HDX: variants seen among roughly 807,000 people sequenced by gnomAD.
The protein encoded by HDX is chromosome X open reading frame 43.
Under a neutral mutation model 45.2 loss-of-function variants are expected in HDX, and 19 were observed. The ratio of observed to expected loss-of-function variants is 0.42; its 90% CI spans 0.29 to 0.62. HDX has a LOEUF of 0.62. HDX is among the 20% of genes least tolerant of loss of function. HDX has a pLI of 0.20. For synonymous variants in HDX, 188 were observed against 172.8 expected, an observed-to-expected ratio of 1.09 and a Z score of -0.69; for missense variants, 532 against 493.9, an observed-to-expected ratio of 1.08 and a Z score of -0.73.
At chrX:84,357,030 A>T (rs753731647) in intron 6 of HDX, among the ~76,000 whole-genome samples, 20 of 111,856 alleles carry the variant, frequency 1.8e-4, no homozygotes, top group Non-Finnish European at 3.2e-4. Context: ...ATGGCTGTCC[A>T]TAGAACCTGA....
intron 4 of HDX, among the ~76,000 whole-genome samples, chrX:84,441,644 C>T (rs2039763390): frequency 9.0e-6 from 1 of 111,389 alleles, no homozygotes. Flanking sequence ...AAAATTTGTT[C>T]TTTTTGAATT....
At chrX:84,477,184 A>G (rs779769375) in intron 2 of HDX, among the ~76,000 whole-genome samples, 2 of 111,668 alleles carry the variant, frequency 1.8e-5, no homozygotes, top group African/African-American at 3.3e-5. Context: ...TTCATCTGGT[A>G]TGGATTTAGA....
At chrX:84,428,690 C>A (rs1199267627) in intron 5 of HDX, among the ~76,000 whole-genome samples, 2 of 110,855 alleles carry the variant, frequency 1.8e-5, no homozygotes, top group East Asian at 5.6e-4. Flanking sequence ...ACAGTGTCTT[C>A]AGAGAAGCAG....
chrX:84,451,034 G>T (rs902946963), intron 4 of HDX, among the ~76,000 whole-genome samples: 1 of 111,493 alleles, frequency 9.0e-6, no homozygotes, highest in African/African-American at 3.3e-5. Flanking sequence ...TACAGCAAAA[G>T]CAATGCTAAT....
chrX:84,449,779 G>A (rs12686865), intron 4 of HDX, among the ~76,000 whole-genome samples: 5 of 111,677 alleles, frequency 4.5e-5, no homozygotes, highest in South Asian at 3.8e-4. Context: ...CAATGTTACC[G>A]TTACAGAAAA....
intron 3 of HDX, among the ~76,000 whole-genome samples, chrX:84,472,825 G>T (rs1224301845): frequency 5.4e-5 from 6 of 110,437 alleles, no homozygotes; most frequent in Non-Finnish European, 9.5e-5. Context: ...TGAAAATAAA[G>T]AAAACACATT....
chrX:84,492,831 G>C (rs2040918149), intron 1 of HDX, among the ~76,000 whole-genome samples: 1 of 111,371 alleles, frequency 9.0e-6, no homozygotes, highest in Non-Finnish European at 1.9e-5. Context: ...TGAAAGTTAA[G>C]CCCAACAAAT....
intron 4 of HDX, among the ~76,000 whole-genome samples, chrX:84,460,057 G>A (rs1471844222): frequency 9.0e-6 from 1 of 111,146 alleles, no homozygotes. Flanking sequence ...AAGTCTCCCA[G>A]CAAAGAAAAG....
chrX:84,387,292 G>A (rs1325852604), intron 5 of HDX, among the ~76,000 whole-genome samples: 2 of 111,698 alleles, frequency 1.8e-5, no homozygotes. Context: ...CTGTGTGCAG[G>A]TGAGAAGAAT....
chrX:84,477,738 C>A (rs2040585345), intron 2 of HDX, among the ~76,000 whole-genome samples: 3 of 111,714 alleles, frequency 2.7e-5, no homozygotes, highest in African/African-American at 6.5e-5. Context: ...ACAAAATAAT[C>A]AAAAATAGAG....
intron 8 of HDX, among the ~76,000 whole-genome samples, chrX:84,336,150 C>A (rs1347394379): frequency 9.0e-6 from 1 of 110,964 alleles, no homozygotes; most frequent in Non-Finnish European, 1.9e-5. Flanking sequence ...CTTGATAGGG[C>A]AGAATATAAA....
intron 2 of HDX, among the ~76,000 whole-genome samples, chrX:84,481,567 C>G (rs2040680195): frequency 9.0e-6 from 1 of 111,488 alleles, no homozygotes. Context: ...ACCTCGTTTT[C>G]TGCCTTCTGT....
At chrX:84,353,657 G>A (rs866320399) in intron 6 of HDX, among the ~76,000 whole-genome samples, 1 of 99,014 alleles carries the variant, frequency 1.0e-5, no homozygotes, top group African/African-American at 3.5e-5. Flanking sequence ...CCAGATAGCT[G>A]GCAAAACATT....
At chrX:84,412,762 G>A (rs1000573291) in intron 5 of HDX, among the ~76,000 whole-genome samples, 5 of 111,739 alleles carry the variant, frequency 4.5e-5, no homozygotes, top group Non-Finnish European at 7.5e-5. Flanking sequence ...CCTCAAATAT[G>A]TTTTGCATGT....
chrX:84,449,672 CAT>C (rs1352598359), intron 4 of HDX, among the ~76,000 whole-genome samples: 5 of 112,023 alleles, frequency 4.5e-5, no homozygotes, highest in African/African-American at 1.6e-4. Context: ...GGGAGTCTGA[CAT>C]GTTGAAGTGA....
In HDX at chrX:84,395,008, A is replaced by T. The variant is rs181956154; in HGVS notation, c.1306-33396T>A. On this transcript the variant is annotated intron_variant, in intron 5 of 10. Coordinates refer to ENST00000373177, the MANE Select transcript of HDX (RefSeq NM_001177479.2). ...ATTTACAATTAAGGTTATTATTGCT[A>T]TATCAGAGTTTATTCTTGTCATCCT... Among the ~76,000 whole-genome samples, 247 of 111,266 alleles carry T rather than the reference A, an allele frequency of 2.2e-3. 2 individuals carry two copies. The highest frequency in any genetic ancestry group is 7.7e-3 in the African/African-American group (238 of 30,751).
intron 3 of HDX, among the ~76,000 whole-genome samples, chrX:84,474,013 G>A (rs2040499097): frequency 1.8e-5 from 2 of 112,354 alleles, no homozygotes; most frequent in South Asian, 3.6e-4. Context: ...ATCCTGGGCC[G>A]GGCGCGGTGG....
intron 5 of HDX, among the ~76,000 whole-genome samples, chrX:84,385,787 C>A (rs1161591853): frequency 9.5e-6 from 1 of 104,885 alleles, no homozygotes; most frequent in Non-Finnish European, 1.9e-5. Flanking sequence ...AGTATAAAAT[C>A]ATATCGTCAA....
Position 84,375,291 on chromosome X carries a change from C to T in HDX, c.1306-13679G>A, listed in dbSNP as rs774627093. Among the ~76,000 whole-genome samples, 497 of 111,015 alleles carry T rather than the reference C, an allele frequency of 4.5e-3. 6 individuals carry two copies. The highest frequency in any genetic ancestry group is 0.015 in the African/African-American group (461 of 30,305). On this transcript the variant is annotated intron_variant, in intron 5 of 10. Transcript: ENST00000373177. The stretch of plus-strand genomic sequence containing the variant: ...GAGAAATAGGGACACTTTTACACTG[C>T]TGGTGGGACTGTAAACTAGTTCAAC...
Sources: gnomAD v4.1 joint callset for allele counts (sites outside exome capture counted in the v4.1 genomes callset) on GRCh38, gnomAD v4.1.1 for gene constraint, MANE v1.5 for transcripts, NCBI Gene and HGNC (gene_info 2026-07-23, HGNC 2026-07-21) for gene names.